The following MECOM variants were observed in gnomAD, a reference collection of about 807,000 sequenced individuals.
The protein encoded by MECOM is histone-lysine N-methyltransferase MECOM.
MECOM carries 13 observed loss-of-function variants against 116.3 expected under a neutral mutation model. That is an observed-to-expected ratio of 0.11 (90% CI 0.07 to 0.18). The LOEUF (loss-of-function observed/expected upper bound fraction) is 0.18, where lower values mean the gene tolerates loss of function less well. Ranked by LOEUF, MECOM falls within the 10% of genes least tolerant of loss-of-function variation. MECOM has a pLI of 1.00. For missense variants in MECOM, 1,299 were observed against 1,509.0 expected (o/e 0.86, Z 2.31); for synonymous variants, 528 against 535.2 (o/e 0.99, Z 0.19).
intron 1 of MECOM, among the ~76,000 whole-genome samples, chr3:169,648,203 T>C (rs1038870136): frequency 6.6e-6 from 1 of 152,254 alleles, no homozygotes; most frequent in East Asian, 1.9e-4. Context: ...CTTGGAAGGT[T>C]AACTAAGATG....
chr3:169,111,364 T>C (rs1727326169), intron 9 of MECOM, among the ~76,000 whole-genome samples: 1 of 152,182 alleles, frequency 6.6e-6, no homozygotes, highest in Admixed American at 6.6e-5. Context: ...CATTAATGTA[T>C]ACATGAATAT....
intron 1 of MECOM, among the ~76,000 whole-genome samples, chr3:169,576,951 C>T (rs1449425120): frequency 3.3e-5 from 5 of 151,974 alleles, no homozygotes; most frequent in South Asian, 2.1e-4. Context: ...TAGCACTGGC[C>T]GGGCCAAGAT....
chr3:169,404,274 C>T lies in MECOM; in HGVS notation c.38-22750G>A, dbSNP rs529122191. Among the ~76,000 whole-genome samples the T allele has an allele frequency of 3.5e-4, 53 of 152,132 alleles. No homozygotes were observed. In the South Asian group the frequency reaches 0.011, roughly 31 times the overall value. On this transcript the variant is annotated intron_variant, in intron 1 of 16. Coordinates refer to ENST00000651503, the MANE Select transcript of MECOM (RefSeq NM_004991.4). The stretch of plus-strand genomic sequence containing the variant: ...AAACTGGAGTTTTTATTGGTTGTCT[C>T]TCTGCAAAATATGCACACACACACA...
intron 3 of MECOM, among the ~76,000 whole-genome samples, chr3:169,142,894 C>A (rs1188196079): frequency 6.6e-6 from 1 of 151,826 alleles, no homozygotes; most frequent in African/African-American, 2.4e-5. Context: ...TTTAGGAAAC[C>A]ATTGGGTTAA....
intron 1 of MECOM, among the ~76,000 whole-genome samples, chr3:169,584,801 G>T (rs1765591003): frequency 6.6e-6 from 1 of 152,104 alleles, no homozygotes; most frequent in Non-Finnish European, 1.5e-5. Context: ...TATATATAAA[G>T]TGGTCCACGC....
chr3:169,251,197 A>G (rs1394515185), intron 2 of MECOM, among the ~76,000 whole-genome samples: 1 of 152,216 alleles, frequency 6.6e-6, no homozygotes, highest in Non-Finnish European at 1.5e-5. Context: ...GGTAGTTTTT[A>G]GCAAAGGAAA....
chr3:169,574,268 T>G (rs982366278), intron 1 of MECOM, among the ~76,000 whole-genome samples: 5 of 152,244 alleles, frequency 3.3e-5, no homozygotes, highest in Non-Finnish European at 7.3e-5. Flanking sequence ...GAGGTTTTGC[T>G]ACAGGACTGA....
At chr3:169,186,998 C>A (rs1326539113) in intron 2 of MECOM, among the ~76,000 whole-genome samples, 1 of 152,030 alleles carries the variant, frequency 6.6e-6, no homozygotes, top group Non-Finnish European at 1.5e-5. Context: ...GTTAGGTGAA[C>A]AATTTAACAA....
intron 2 of MECOM, among the ~76,000 whole-genome samples, chr3:169,345,766 A>G (rs1428022615): frequency 6.6e-6 from 1 of 152,152 alleles, no homozygotes; most frequent in Non-Finnish European, 1.5e-5. Context: ...CAAAATTAAT[A>G]GACAGTTTGC....
intron 5 of MECOM, among the ~76,000 whole-genome samples, chr3:169,123,847 TTATCAATAAAGATATTCAAAACACA>T (rs1731899095): frequency 6.6e-6 from 1 of 152,068 alleles, no homozygotes; most frequent in Non-Finnish European, 1.5e-5. Flanking sequence ...AGCAACTCTT[TTATCAATAAAGATATTCAAAACACA>T]AACAGAACCC....
At chr3:169,221,396 CTTCT>C (rs1577383269) in intron 2 of MECOM, among the ~76,000 whole-genome samples, 1 of 152,078 alleles carries the variant, frequency 6.6e-6, no homozygotes, top group East Asian at 1.9e-4. Flanking sequence ...CCTTTACATA[CTTCT>C]ATCTGGCTAC....
intron 1 of MECOM, among the ~76,000 whole-genome samples, chr3:169,558,233 AT>A (rs1762256363): frequency 6.6e-6 from 1 of 152,172 alleles, no homozygotes; most frequent in Non-Finnish European, 1.5e-5. Context: ...CATTCAGCAG[AT>A]TTTTCTTTTG....
At chr3:169,461,494 A>T (rs1003259422) in intron 1 of MECOM, among the ~76,000 whole-genome samples, 1 of 152,138 alleles carries the variant, frequency 6.6e-6, no homozygotes, top group African/African-American at 2.4e-5. Flanking sequence ...CAAATATGAA[A>T]AATTTAAGTT....
At chr3:169,472,136 C>T (rs961544421) in intron 1 of MECOM, among the ~76,000 whole-genome samples, 2 of 151,844 alleles carry the variant, frequency 1.3e-5, no homozygotes, top group Admixed American at 6.6e-5. Flanking sequence ...ACATTGTATG[C>T]CTGTATCAAA....
chr3:169,347,439 T>C (rs1187718688), intron 2 of MECOM, among the ~76,000 whole-genome samples: 1 of 152,034 alleles, frequency 6.6e-6, no homozygotes, highest in East Asian at 1.9e-4. Flanking sequence ...TCCTGTAAAC[T>C]TTTTGGAATG....
intron 1 of MECOM, among the ~76,000 whole-genome samples, chr3:169,551,750 T>C (rs551263011): frequency 6.6e-6 from 1 of 152,286 alleles, no homozygotes; most frequent in African/African-American, 2.4e-5. Context: ...ATAAAACTTG[T>C]TCACAAATAT....
rs374274832 is a variant in MECOM at position 169,107,925 on chromosome 3, C to A, written c.2604+1G>T. ...GTCAAAAATATAAGTAGGAAACTTA[C>A]CCAAGTTCTCTGATCAGGCAGTTGG... On this transcript the variant is annotated splice_donor_variant, in intron 10 of 16. Coordinates refer to ENST00000651503, the MANE Select transcript of MECOM (RefSeq NM_004991.4). LOFTEE classifies it high-confidence loss of function. 3 of 1,611,746 alleles carry A rather than the reference C, an allele frequency of 1.9e-6. No individual in the cohort carries two copies. The highest frequency in any genetic ancestry group is 2.5e-6 in the Non-Finnish European group (3 of 1,178,942).
intron 1 of MECOM, among the ~76,000 whole-genome samples, chr3:169,494,733 T>A (rs1228429955): frequency 6.6e-6 from 1 of 152,226 alleles, no homozygotes; most frequent in Non-Finnish European, 1.5e-5. Context: ...ATCTGTATTT[T>A]GTAAAAGCTC....
intron 5 of MECOM, among the ~76,000 whole-genome samples, chr3:169,127,494 C>A (rs1733245920): frequency 6.6e-6 from 1 of 152,054 alleles, no homozygotes; most frequent in African/African-American, 2.4e-5. Context: ...CTGAATGTTC[C>A]TAGGGGTAGC....
Sources: allele counts gnomAD v4.1 joint callset (sites outside exome capture counted in the v4.1 genomes callset), GRCh38; gene constraint gnomAD v4.1.1; transcripts MANE v1.5; gene names NCBI Gene and HGNC (gene_info 2026-07-23, HGNC 2026-07-21).